The following CDK19 variants were observed in gnomAD, a reference collection of about 807,000 sequenced individuals.
The protein encoded by CDK19 is cyclin dependent kinase 19.
CDK19 carries 20 observed loss-of-function variants against 68.3 expected under a neutral mutation model. That is an observed-to-expected ratio of 0.29 (90% CI 0.21 to 0.43). The LOEUF (loss-of-function observed/expected upper bound fraction) is 0.43, where lower values mean the gene tolerates loss of function less well. Among genes scored for constraint, CDK19 ranks in the 20% least tolerant of loss-of-function variants. The pLI, the probability that CDK19 is intolerant of heterozygous loss-of-function variation, is 1.00. For synonymous variants in CDK19, 221 were observed against 222.8 expected, an observed-to-expected ratio of 0.99 and a Z score of 0.07; for missense variants, 339 against 623.5, an observed-to-expected ratio of 0.54 and a Z score of 4.86.
rs776505842 is a variant in CDK19 at position 110,621,088 on chromosome 6, G to C, written c.1377+16C>G. ...CACTTCATAAAGCATATGAACATTAGACATTCAGGGAGTACCTGATAATCC... is the reference window on the plus strand; with the variant it reads ...CACTTCATAAAGCATATGAACATTACACATTCAGGGAGTACCTGATAATCC... On this transcript the variant is annotated intron_variant, in intron 12 of 12. Coordinates refer to ENST00000368911, the MANE Select transcript of CDK19 (RefSeq NM_015076.5). This position sits in a 1 kb window ranked among gnomAD's most constrained non-coding sequence, Gnocchi z 5.4. 6.2e-7 allele frequency: 1 copy of C among 1,602,854 alleles called. No homozygotes were observed. Among genetic ancestry groups the C allele is most frequent in the Non-Finnish European group, 8.5e-7 (1 of 1,174,496 alleles).
chr6:110,649,413 T>C (rs1780828932), intron 4 of CDK19, among the ~76,000 whole-genome samples: 2 of 152,150 alleles, frequency 1.3e-5, no homozygotes, highest in East Asian at 1.9e-4. Flanking sequence ...TTTAAAACTT[T>C]TGGAAAAAAA....
At chr6:110,734,491 C>G (rs1270274806) in intron 2 of CDK19, among the ~76,000 whole-genome samples, 1 of 131,658 alleles carries the variant, frequency 7.6e-6, no homozygotes, top group Non-Finnish European at 1.6e-5. Flanking sequence ...TCCTCAAATA[C>G]TATTGATAAA....
intron 1 of CDK19, among the ~76,000 whole-genome samples, chr6:110,762,308 T>G (rs1779283773): frequency 6.6e-6 from 1 of 152,130 alleles, no homozygotes; most frequent in Admixed American, 6.6e-5. Flanking sequence ...CTCCTATTCC[T>G]CCTATCAGAC....
intron 4 of CDK19, among the ~76,000 whole-genome samples, chr6:110,639,984 G>A (rs75399619): frequency 1.5e-3 from 235 of 152,184 alleles, no homozygotes; most frequent in Non-Finnish European, 2.7e-3. Context: ...AGACCGAGGC[G>A]GGAGACTCAC....
At chr6:110,805,968 C>A (rs1782649121) in intron 1 of CDK19, among the ~76,000 whole-genome samples, 1 of 135,406 alleles carries the variant, frequency 7.4e-6, no homozygotes, top group South Asian at 2.3e-4. Context: ...CTGGATAACA[C>A]TTCTCAAAAA....
intron 4 of CDK19, chr6:110,645,983 C>T (rs1220627025): frequency 3.4e-6 from 4 of 1,164,484 alleles, no homozygotes; most frequent in South Asian, 1.3e-5. Flanking sequence ...ACATGCAGCG[C>T]GTCTTCAAGT....
intron 1 of CDK19, among the ~76,000 whole-genome samples, chr6:110,759,428 A>ATATATAT (rs1554219514): frequency 3.1e-4 from 16 of 50,894 alleles, no homozygotes; most frequent in African/African-American, 5.2e-4. Context: ...AAAAAAAAAA[A>ATATATAT]ATATATATAT....
At chr6:110,646,524 G>A (rs1780592550) in intron 4 of CDK19, 2 of 1,283,986 alleles carry the variant, frequency 1.6e-6, no homozygotes, top group Non-Finnish European at 1.0e-6. Flanking sequence ...ACCGACGTGC[G>A]CCTCCACCTG....
At chr6:110,783,940 A>G (rs553439339) in intron 1 of CDK19, among the ~76,000 whole-genome samples, 2 of 152,074 alleles carry the variant, frequency 1.3e-5, no homozygotes, top group South Asian at 4.1e-4. Context: ...CAGGTGGATC[A>G]CCTGAGGTCA....
intron 2 of CDK19, among the ~76,000 whole-genome samples, chr6:110,687,260 G>A (rs986172704): frequency 6.6e-5 from 10 of 152,108 alleles, no homozygotes; most frequent in Non-Finnish European, 1.5e-4. Context: ...TCAGTGGTCA[G>A]ACACCCCACC....
At chr6:110,671,779 T>C (rs1205358885) in intron 2 of CDK19, among the ~76,000 whole-genome samples, 3 of 152,058 alleles carry the variant, frequency 2.0e-5, no homozygotes, top group Admixed American at 2.0e-4. Flanking sequence ...CTAATAACTT[T>C]AGTAACTTTT....
intron 1 of CDK19, among the ~76,000 whole-genome samples, chr6:110,812,183 G>A (rs769514717): frequency 1.3e-5 from 2 of 151,810 alleles, no homozygotes; most frequent in Non-Finnish European, 2.9e-5. Context: ...TGCAGTGGCG[G>A]GATCTCGGCT....
At chr6:110,762,646 T>G (rs1779304360) in intron 1 of CDK19, among the ~76,000 whole-genome samples, 1 of 152,180 alleles carries the variant, frequency 6.6e-6, no homozygotes, top group Non-Finnish European at 1.5e-5. Flanking sequence ...CCTAGCACAG[T>G]GTCCAGCACC....
chr6:110,769,077 C>T (rs1167923415), intron 1 of CDK19, among the ~76,000 whole-genome samples: 1 of 147,668 alleles, frequency 6.8e-6, no homozygotes, highest in Non-Finnish European at 1.5e-5. Context: ...ATTGCTTGAA[C>T]CCTGGAGGCA....
At chr6:110,630,321 C>T (rs1160175185) in intron 6 of CDK19, among the ~76,000 whole-genome samples, 2 of 152,220 alleles carry the variant, frequency 1.3e-5, no homozygotes, top group East Asian at 3.8e-4. Context: ...CTTCTCCCTT[C>T]CTCGTGTCCT....
At chr6:110,714,838 A>C (rs1775249319) in intron 2 of CDK19, among the ~76,000 whole-genome samples, 1 of 151,238 alleles carries the variant, frequency 6.6e-6, no homozygotes, top group African/African-American at 2.4e-5. Flanking sequence ...GGTGCAAGCA[A>C]TTCTCCTGCC....
At chr6:110,646,190 C>A in intron 4 of CDK19, 3 of 1,297,700 alleles carry the variant, frequency 2.3e-6, no homozygotes, top group Non-Finnish European at 3.2e-6. Flanking sequence ...GCCTGTTCCT[C>A]CGCATCCTCA....
intron 2 of CDK19, among the ~76,000 whole-genome samples, chr6:110,703,818 T>C (rs1220965900): frequency 2.0e-5 from 3 of 152,272 alleles, no homozygotes; most frequent in African/African-American, 7.2e-5. Context: ...CTAGCCTCAT[T>C]GACAGAGCAA....
intron 1 of CDK19, among the ~76,000 whole-genome samples, chr6:110,812,924 G>A (rs9481116): frequency 0.013 from 2,039 of 151,882 alleles, 48 homozygotes; most frequent in African/African-American, 0.047. Context: ...CACAAGAGAC[G>A]TGGGTGTTTA....
Sources: allele counts gnomAD v4.1 joint callset (sites outside exome capture counted in the v4.1 genomes callset), GRCh38; gene constraint gnomAD v4.1.1; non-coding constraint Gnocchi (gnomAD v3.1); transcripts MANE v1.5; gene names NCBI Gene and HGNC (gene_info 2026-07-23, HGNC 2026-07-21).